The following VPS26A variants were observed in gnomAD, a reference collection of about 807,000 sequenced individuals.
The protein encoded by VPS26A is VPS26 retromer complex component A.
Under a neutral mutation model 42.4 loss-of-function variants are expected in VPS26A, and 22 were observed. That is an observed-to-expected ratio of 0.52 (90% CI 0.37 to 0.74). The LOEUF is 0.74. Among genes scored for constraint, VPS26A ranks in the 30% least tolerant of loss-of-function variants. The pLI, the probability that VPS26A is intolerant of heterozygous loss-of-function variation, is 0.00. For missense variants in VPS26A, 276 were observed against 379.2 expected, an observed-to-expected ratio of 0.73 and a Z score of 2.26; for synonymous variants, 110 against 123.5, an observed-to-expected ratio of 0.89 and a Z score of 0.73.
chr10:69,135,391 TTAAAG>T (rs1469001477), intron 2 of VPS26A, among the ~76,000 whole-genome samples: 1 of 152,144 alleles, frequency 6.6e-6, no homozygotes, highest in African/African-American at 2.4e-5. Flanking sequence ...AGGGGGGTGT[TTAAAG>T]TAAAAGTAAA....
chr10:69,169,345 C>T (rs7086630), intron 8 of VPS26A, among the ~76,000 whole-genome samples: 6,358 of 152,122 alleles, frequency 0.042, 464 homozygotes, highest in African/African-American at 0.14. Flanking sequence ...GGTACAGGCA[C>T]GTACCACTGT....
intron 1 of VPS26A, among the ~76,000 whole-genome samples, chr10:69,127,999 C>CT (rs1356890474): frequency 1.3e-5 from 2 of 151,714 alleles, no homozygotes; most frequent in Admixed American, 6.6e-5. Context: ...TGTTCTGCTA[C>CT]TTTTTTTAAA....
chr10:69,127,093 ATTTTTTTT>A lies in VPS26A; in HGVS notation c.3+2830_3+2837del, dbSNP rs71035057. Among the ~76,000 whole-genome samples the A allele has an allele frequency of 4.2e-4, 41 of 97,534 alleles. 2 individuals carry two copies. Among genetic ancestry groups the A allele is most frequent in the African/African-American group, 1.3e-3 (33 of 24,944 alleles). The allele number at this position is 97,534 out of a possible 152,430, so 64.0% of individuals were successfully genotyped here. ...AGGAATGCGCCACCACACCCGGCCAATTTTTTTTTTTTTTTTTTTTTTTTGTATTTTTA... is the reference window on the plus strand; with the variant it reads ...AGGAATGCGCCACCACACCCGGCCAATTTTTTTTTTTTTTTTGTATTTTTA... On this transcript the variant is annotated intron_variant, in intron 1 of 8. Transcript: ENST00000263559.
chr10:69,144,191 A>T (rs1329528080), intron 2 of VPS26A, among the ~76,000 whole-genome samples: 1 of 152,206 alleles, frequency 6.6e-6, no homozygotes, highest in Non-Finnish European at 1.5e-5. Flanking sequence ...CCCCACATGG[A>T]TTCACTGTTA....
intron 5 of VPS26A, among the ~76,000 whole-genome samples, chr10:69,160,172 TTTTG>T (rs756990841): frequency 6.3e-5 from 9 of 143,816 alleles, no homozygotes; most frequent in East Asian, 2.0e-4. Context: ...ACACACAGTT[TTTTG>T]TTTGTTTGAG....
At chr10:69,159,001 T>C (rs1440568321) in intron 5 of VPS26A, among the ~76,000 whole-genome samples, 2 of 152,326 alleles carry the variant, frequency 1.3e-5, no homozygotes, top group Non-Finnish European at 1.5e-5. Context: ...GAACAAAAGA[T>C]TGCCATTTAA....
intron 1 of VPS26A, among the ~76,000 whole-genome samples, chr10:69,127,421 C>G (rs1317555950): frequency 1.3e-5 from 2 of 151,550 alleles, no homozygotes; most frequent in Non-Finnish European, 2.9e-5. Flanking sequence ...GGCGCGGTGG[C>G]GGGCACCTGT....
intron 8 of VPS26A, 93 bp downstream of exon 8, chr10:69,168,724 G>A (rs566803387): frequency 6.5e-4 from 954 of 1,458,912 alleles, no homozygotes; most frequent in Admixed American, 8.9e-4. Context: ...TGAGCGAGTG[G>A]GAGTTTCTAA....
At chr10:69,170,039 T>G (rs1841783318) in intron 8 of VPS26A, 1 of 152,240 alleles carries the variant, frequency 6.6e-6, no homozygotes, top group African/African-American at 2.4e-5. Flanking sequence ...TGAATCAGAT[T>G]AATAAACATG....
intron 1 of VPS26A, 147 bp downstream of exon 1, chr10:69,124,427 G>A (rs1840603170): frequency 1.0e-6 from 1 of 953,784 alleles, no homozygotes. Context: ...CCACCCCTGG[G>A]TCTGGGAAAA....
chr10:69,130,190 T>C (rs12269452), intron 1 of VPS26A, among the ~76,000 whole-genome samples: 6,381 of 152,306 alleles, frequency 0.042, 468 homozygotes, highest in African/African-American at 0.14. Context: ...TAACATTCAA[T>C]AGGTATTTTA....
At chr10:69,126,587 A>T (rs968276538) in intron 1 of VPS26A, among the ~76,000 whole-genome samples, 6 of 133,828 alleles carry the variant, frequency 4.5e-5, no homozygotes, top group Non-Finnish European at 8.3e-5. Context: ...AAAAAAAAAA[A>T]ATCTCAAAAC....
At chr10:69,169,447 G>T (rs575058998) in intron 8 of VPS26A, among the ~76,000 whole-genome samples, 7 of 151,688 alleles carry the variant, frequency 4.6e-5, no homozygotes, top group Non-Finnish European at 5.9e-5. Context: ...ACAGAGTCTC[G>T]CTACAGGTTA....
chr10:69,155,535 C>CT (rs1364826856), intron 2 of VPS26A, among the ~76,000 whole-genome samples: 3 of 152,096 alleles, frequency 2.0e-5, no homozygotes, highest in Admixed American at 2.0e-4. Flanking sequence ...CTGTTCCTTT[C>CT]TTTGAGTCTT....
chr10:69,151,280 A>AAC (rs1841307258), intron 2 of VPS26A, among the ~76,000 whole-genome samples: 2 of 135,224 alleles, frequency 1.5e-5, no homozygotes, highest in South Asian at 4.3e-4. Flanking sequence ...AAAAAAAAAA[A>AAC]AAACACACAC....
chr10:69,132,021 A>T (rs560496497), intron 1 of VPS26A, among the ~76,000 whole-genome samples: 1 of 152,182 alleles, frequency 6.6e-6, no homozygotes, highest in Non-Finnish European at 1.5e-5. Context: ...AATTCACAGA[A>T]ATTTTATTTT....
At chr10:69,135,630 C>G (rs1840889355) in intron 2 of VPS26A, among the ~76,000 whole-genome samples, 1 of 152,046 alleles carries the variant, frequency 6.6e-6, no homozygotes, top group African/African-American at 2.4e-5. Context: ...TGCTGGAAAC[C>G]ATACGTAGAC....
chr10:69,127,976 G>A (rs750255964), intron 1 of VPS26A, among the ~76,000 whole-genome samples: 1 of 151,916 alleles, frequency 6.6e-6, no homozygotes, highest in Non-Finnish European at 1.5e-5. Context: ...AGGATTACAG[G>A]TGTGAGCCAC....
intron 2 of VPS26A, among the ~76,000 whole-genome samples, chr10:69,138,025 T>C (rs966268808): frequency 1.3e-5 from 2 of 152,148 alleles, no homozygotes; most frequent in African/African-American, 4.8e-5. Context: ...TCATTCTCCA[T>C]TTCCCCTCCT....
Sources: allele counts gnomAD v4.1 joint callset (sites outside exome capture counted in the v4.1 genomes callset), GRCh38; gene constraint gnomAD v4.1.1; transcripts MANE v1.5; gene names NCBI Gene and HGNC (gene_info 2026-07-23, HGNC 2026-07-21).